Variants in ZNF385D observed in about 807,000 individuals in gnomAD.
ZNF385D encodes zinc finger protein 385D, also known as zinc finger protein 659.
ZNF385D carries 15 observed loss-of-function variants against 35.8 expected under a neutral mutation model. The observed-to-expected ratio is 0.42, with a 90% CI of 0.28 to 0.64. The LOEUF is 0.64. Among genes scored for constraint, ZNF385D ranks in the 30% least tolerant of loss-of-function variants. The pLI is 0.23. For synonymous variants in ZNF385D, 212 were observed against 186.8 expected (o/e 1.13, Z -1.10); for missense variants, 474 against 494.6 (o/e 0.96, Z 0.39).
At chr3:22,235,846 A>C (rs1559470316) in intron 2 of ZNF385D, among the ~76,000 whole-genome samples, 1 of 152,140 alleles carries the variant, frequency 6.6e-6, no homozygotes, top group Non-Finnish European at 1.5e-5. Context: ...GTAATATAAA[A>C]ATTTAATTTA....
intron 3 of ZNF385D, among the ~76,000 whole-genome samples, chr3:21,805,097 C>T (rs1358477164): frequency 6.6e-6 from 1 of 152,156 alleles, no homozygotes; most frequent in Non-Finnish European, 1.5e-5. Flanking sequence ...GAAAGTGACT[C>T]TAATTACCGG....
intron 4 of ZNF385D, among the ~76,000 whole-genome samples, chr3:21,489,962 C>T (rs1705305084): frequency 6.6e-6 from 1 of 152,148 alleles, no homozygotes; most frequent in African/African-American, 2.4e-5. Flanking sequence ...TCATCCTTTA[C>T]ATAAGTTCCT....
chr3:21,504,305 G>T (rs1706611016), intron 4 of ZNF385D, among the ~76,000 whole-genome samples: 1 of 151,786 alleles, frequency 6.6e-6, no homozygotes, highest in South Asian at 2.1e-4. Flanking sequence ...TAGACTTGAT[G>T]ACCTTTAATA....
intron 3 of ZNF385D, among the ~76,000 whole-genome samples, chr3:21,520,639 CT>C (rs1222229318): frequency 6.6e-6 from 1 of 152,144 alleles, no homozygotes; most frequent in Non-Finnish European, 1.5e-5. Flanking sequence ...TGGGAACTCT[CT>C]CTTTTCAAGG....
chr3:21,758,706 C>A (rs771190983), intron 3 of ZNF385D, among the ~76,000 whole-genome samples: 16 of 152,214 alleles, frequency 1.1e-4, no homozygotes, highest in African/African-American at 1.7e-4. Flanking sequence ...CACTTCCTTT[C>A]TGATGGTTCT....
At chr3:21,654,728 T>C (rs1469029090) in intron 2 of ZNF385D, among the ~76,000 whole-genome samples, 1 of 152,078 alleles carries the variant, frequency 6.6e-6, no homozygotes, top group Non-Finnish European at 1.5e-5. Context: ...TAATTCTTGA[T>C]TGGTTTTCAA....
intron 3 of ZNF385D, among the ~76,000 whole-genome samples, chr3:21,798,735 A>G (rs1292910412): frequency 6.6e-6 from 1 of 152,198 alleles, no homozygotes; most frequent in Non-Finnish European, 1.5e-5. Flanking sequence ...AGCTGATCAT[A>G]TAAACCATGC....
chr3:21,655,665 A>G (rs921735919), intron 2 of ZNF385D, among the ~76,000 whole-genome samples: 6 of 151,998 alleles, frequency 3.9e-5, no homozygotes, highest in African/African-American at 1.4e-4. Context: ...TTAATTAGCT[A>G]TTAAAGTATA....
chr3:22,275,664 T>A (rs927035776), intron 2 of ZNF385D, among the ~76,000 whole-genome samples: 7 of 152,282 alleles, frequency 4.6e-5, no homozygotes, highest in African/African-American at 1.7e-4. Flanking sequence ...AATAATCATA[T>A]TTTTATCAAC....
intron 3 of ZNF385D, among the ~76,000 whole-genome samples, chr3:22,111,185 TGTA>T (rs1559377221): frequency 1.6e-5 from 2 of 122,048 alleles, no homozygotes; most frequent in African/African-American, 3.3e-5. Flanking sequence ...TTGTTTTTTT[TGTA>T]CTCTCAGGAG....
chr3:21,759,631 A>G (rs756036586), intron 3 of ZNF385D, among the ~76,000 whole-genome samples: 3 of 152,210 alleles, frequency 2.0e-5, no homozygotes, highest in African/African-American at 4.8e-5. Flanking sequence ...TATACACTTC[A>G]GAGGTTTCCA....
At chr3:22,296,695 C>T (rs1702599792) in intron 2 of ZNF385D, among the ~76,000 whole-genome samples, 2 of 152,092 alleles carry the variant, frequency 1.3e-5, no homozygotes, top group Admixed American at 1.3e-4. Flanking sequence ...TGAATTCCTT[C>T]TTGAAGAGAG....
At chr3:21,861,566 C>G (rs572285350) in intron 3 of ZNF385D, among the ~76,000 whole-genome samples, 2 of 152,084 alleles carry the variant, frequency 1.3e-5, no homozygotes, top group East Asian at 3.9e-4. Flanking sequence ...ACTAAAATCA[C>G]TGAGTCACAG....
At chr3:21,636,017 C>T (rs952807027) in intron 2 of ZNF385D, among the ~76,000 whole-genome samples, 1 of 152,072 alleles carries the variant, frequency 6.6e-6, no homozygotes, top group African/African-American at 2.4e-5. Flanking sequence ...CTGCTGTAAA[C>T]ATGCATGTGC....
chr3:22,094,938 C>T (rs1008534588), intron 3 of ZNF385D, among the ~76,000 whole-genome samples: 2 of 151,950 alleles, frequency 1.3e-5, no homozygotes, highest in African/African-American at 4.8e-5. Context: ...CATGGTCTCA[C>T]TCTGTTACCC....
intron 3 of ZNF385D, among the ~76,000 whole-genome samples, chr3:22,167,383 G>A (rs538353073): frequency 6.6e-6 from 1 of 152,170 alleles, no homozygotes; most frequent in Non-Finnish European, 1.5e-5. Context: ...TACTGGGGGA[G>A]AAACTACCCA....
chr3:22,213,998 T>C (rs1018615359), intron 2 of ZNF385D, among the ~76,000 whole-genome samples: 5 of 151,986 alleles, frequency 3.3e-5, no homozygotes, highest in African/African-American at 9.7e-5. Context: ...ACATTTGCCA[T>C]AGGTTGGACA....
At chr3:21,894,998 C>A (rs1201554564) in intron 3 of ZNF385D, among the ~76,000 whole-genome samples, 2 of 152,012 alleles carry the variant, frequency 1.3e-5, no homozygotes, top group East Asian at 3.9e-4. Flanking sequence ...TGATGGCATG[C>A]ATAAAGTGAA....
chr3:22,285,307 C>T (rs976421808), intron 2 of ZNF385D, among the ~76,000 whole-genome samples: 50 of 152,206 alleles, frequency 3.3e-4, no homozygotes, highest in African/African-American at 1.2e-3. Flanking sequence ...CTTCATGTAT[C>T]CATTTTTTAA....
Sources: gnomAD v4.1 joint callset for allele counts (sites outside exome capture counted in the v4.1 genomes callset) on GRCh38, gnomAD v4.1.1 for gene constraint, MANE v1.5 for transcripts, NCBI Gene and HGNC (gene_info 2026-07-23, HGNC 2026-07-21) for gene names.